Variants in MALSU1 observed in about 807,000 individuals in gnomAD.
MALSU1 encodes mitochondrial assembly of ribosomal large subunit 1.
Under a neutral mutation model 22.1 loss-of-function variants are expected in MALSU1, and 22 were observed. The observed-to-expected ratio is 1.00, with a 90% CI of 0.71 to 1.42. The LOEUF is 1.42. Ranked by LOEUF, MALSU1 falls within the 40% of genes most tolerant of loss-of-function variation. The probability of loss-of-function intolerance (pLI) is 0.00; values close to 1 mark genes in which losing one functional copy is unlikely to be tolerated. For missense variants in MALSU1, 379 were observed against 308.3 expected, an observed-to-expected ratio of 1.23 and a Z score of -1.72; for synonymous variants, 153 against 118.5, an observed-to-expected ratio of 1.29 and a Z score of -1.89.
At chr7:23,305,952 T>C (rs998084619) in intron 2 of MALSU1, among the ~76,000 whole-genome samples, 1 of 152,086 alleles carries the variant, frequency 6.6e-6, no homozygotes, top group Non-Finnish European at 1.5e-5. Flanking sequence ...CCTAGCACTT[T>C]GGGAGGCCGA....
chr7:23,307,836 C>G, intron 2 of MALSU1, 32 bp from the exon 3 acceptor site: 3 of 1,474,964 alleles, frequency 2.0e-6, no homozygotes, highest in Non-Finnish European at 2.8e-6. Context: ...CCCATCCCCT[C>G]TCCCTTTAAT....
At chr7:23,302,671 G>T (rs935993343) in intron 2 of MALSU1, among the ~76,000 whole-genome samples, 4 of 152,164 alleles carry the variant, frequency 2.6e-5, no homozygotes, top group Admixed American at 6.5e-5. Context: ...TTCTGTGAAA[G>T]AATAAAGAAA....
chr7:23,301,574 A>G (rs1453093730), intron 2 of MALSU1, among the ~76,000 whole-genome samples: 1 of 152,234 alleles, frequency 6.6e-6, no homozygotes, highest in Non-Finnish European at 1.5e-5. Context: ...ATAATATTTT[A>G]TAACCTGAGG....
intron 2 of MALSU1, among the ~76,000 whole-genome samples, chr7:23,303,505 C>G (rs1453178548): frequency 1.3e-5 from 2 of 152,092 alleles, no homozygotes; most frequent in Non-Finnish European, 2.9e-5. Flanking sequence ...TATAGAAATA[C>G]TGTTCATGAG....
intron 2 of MALSU1, among the ~76,000 whole-genome samples, chr7:23,306,544 C>T (rs2128489413): frequency 6.6e-6 from 1 of 152,180 alleles, no homozygotes; most frequent in Non-Finnish European, 1.5e-5. Flanking sequence ...CTTTCAGTCT[C>T]ACCATTGAAT....
rs1783610764 is a variant in MALSU1 at position 23,299,504 on chromosome 7, C to A, written c.152C>A (p.Ala51Asp). 1.2e-6 allele frequency: 2 copies of A among 1,612,212 alleles called. No individual in the cohort carries two copies. The highest frequency in any genetic ancestry group is 1.3e-5 in the African/African-American group (1 of 74,940). ...RLPVGAAFCR[A>D]CQTPNFVRGL... is the part of the protein sequence containing the mutation. ...CCCGTAGGAGCAGCGTTCTGCCGGG[C>A]TTGCCAGACCCCAAACTTTGTCCGC... Residue 51 changes from alanine to aspartate, a missense_variant, in exon 1 of 4, where the codon GCT becomes GAT. By Grantham distance (126) the Ala-to-Asp change is moderately radical. Transcript: ENST00000466681.
At position 23,307,975 on chromosome 7, in the gene MALSU1, G is replaced by C. The variant is rs377314789; in HGVS notation, c.517+26G>C. The C allele has an allele frequency of 1.0e-5, 15 of 1,466,810 alleles. No homozygotes were observed. The African/African-American group carries it at 1.7e-4, about 16-fold the overall frequency. 90.9% of individuals were successfully genotyped at this position (1,466,810 alleles called of 1,614,324 possible). A position where few individuals can be genotyped will look rare whatever the true frequency, so the allele number is the denominator to read the frequency against. ...GTAAGTTATTCTGGCGTATTTTACA[G>C]GTAACTGTTGGTACTACGCTAATCT... is the stretch of plus-strand genomic sequence containing the variant. On this transcript the variant is annotated intron_variant, in intron 3 of 3. Coordinates refer to ENST00000466681, the MANE Select transcript of MALSU1 (RefSeq NM_138446.2).
In MALSU1 at chr7:23,311,431, A is replaced by G. The variant is rs1256751050; in HGVS notation, c.*1888A>G. 1 of 152,664 alleles carries G rather than the reference A, an allele frequency of 6.6e-6. No homozygotes were observed. Among genetic ancestry groups the G allele is most frequent in the East Asian group, 1.9e-4 (1 of 5,204 alleles). 9.5% of individuals were successfully genotyped at this position (152,664 alleles called of 1,614,324 possible). ...CTAAACAAAAAACTGAAGTCTCCTG[A>G]AGCCATTTAAACCAGCCGTTCCAAA... On this transcript the variant is annotated 3_prime_UTR_variant, in exon 4 of 4. Coordinates refer to ENST00000466681, the MANE Select transcript of MALSU1 (RefSeq NM_138446.2).
intron 2 of MALSU1, among the ~76,000 whole-genome samples, chr7:23,303,564 A>G (rs571876879): frequency 2.0e-5 from 3 of 152,300 alleles, no homozygotes; most frequent in South Asian, 2.1e-4. Context: ...TGAGAGGCCA[A>G]GGTGGGCGGA....
chr7:23,300,226 G>C (rs73279727), intron 1 of MALSU1, among the ~76,000 whole-genome samples: 2,832 of 152,132 alleles, frequency 0.019, 84 homozygotes, highest in African/African-American at 0.065. Context: ...AAAAAAATTA[G>C]ATTTTCATAG....
In MALSU1 at chr7:23,299,443, G is replaced by A. The variant is rs1327138043; in HGVS notation, c.91G>A (p.Glu31Lys). Residue 31 changes from glutamate to lysine, a missense_variant, in exon 1 of 4, where the codon GAG (glutamate) becomes AAG (lysine). Glu to Lys is a moderately conservative substitution (Grantham distance 56). Coordinates refer to ENST00000466681, the MANE Select transcript of MALSU1 (RefSeq NM_138446.2). ...SSVAGSAVGA[E>K]PGLRLLAVQR... ...GGTGGCGGGGTCCGCGGTTGGAGCC[G>A]AGCCCGGGCTTCGGCTGCTGGCCGT... 1 of 1,605,794 alleles carries A rather than the reference G, an allele frequency of 6.2e-7. No individual in the cohort carries two copies. Among genetic ancestry groups the A allele is most frequent in the African/African-American group, 1.3e-5 (1 of 74,876 alleles).
intron 1 of MALSU1, among the ~76,000 whole-genome samples, chr7:23,300,214 G>GA (rs1034243618): frequency 3.3e-5 from 5 of 151,730 alleles, no homozygotes; most frequent in Admixed American, 6.6e-5. Flanking sequence ...ATCTTTACGG[G>GA]AAAAAAAATT....
At chr7:23,305,081 T>G (rs1783706848) in intron 2 of MALSU1, among the ~76,000 whole-genome samples, 2 of 152,244 alleles carry the variant, frequency 1.3e-5, no homozygotes, top group South Asian at 4.1e-4. Context: ...TAACCCATTT[T>G]GAGTTAGTTT....
chr7:23,306,023 C>T (rs1049223989), intron 2 of MALSU1, among the ~76,000 whole-genome samples: 3 of 152,042 alleles, frequency 2.0e-5, no homozygotes, highest in Non-Finnish European at 2.9e-5. Context: ...GGAGAAACCC[C>T]GTCTCTACTG....
chr7:23,308,990 C>T (rs536673933), intron 3 of MALSU1, among the ~76,000 whole-genome samples: 11 of 152,166 alleles, frequency 7.2e-5, no homozygotes, highest in South Asian at 4.1e-4. Flanking sequence ...AGAATATTCA[C>T]GATACAAACA....
intron 2 of MALSU1, among the ~76,000 whole-genome samples, chr7:23,304,060 T>A (rs905668351): frequency 6.6e-6 from 1 of 151,836 alleles, no homozygotes; most frequent in Non-Finnish European, 1.5e-5. Flanking sequence ...GAGCCGAGAT[T>A]GTGCCACTGC....
chr7:23,304,848 T>C (rs1164037427), intron 2 of MALSU1, among the ~76,000 whole-genome samples: 2 of 152,294 alleles, frequency 1.3e-5, no homozygotes, highest in East Asian at 3.9e-4. Context: ...TTATCAAATA[T>C]GTGATTTGCA....
intron 2 of MALSU1, among the ~76,000 whole-genome samples, chr7:23,305,801 C>T (rs1783715241): frequency 6.6e-6 from 1 of 152,198 alleles, no homozygotes; most frequent in African/African-American, 2.4e-5. Context: ...GTCTTCCCAT[C>T]CATGAATATG....
chr7:23,304,982 A>G (rs1339355729), intron 2 of MALSU1, among the ~76,000 whole-genome samples: 2 of 152,112 alleles, frequency 1.3e-5, no homozygotes, highest in East Asian at 3.8e-4. Context: ...CTTTGGTATT[A>G]TATCTAATAA....
Sources: gnomAD v4.1 joint callset for allele counts (sites outside exome capture counted in the v4.1 genomes callset) on GRCh38, gnomAD v4.1.1 for gene constraint, MANE v1.5 for transcripts, NCBI Gene and HGNC (gene_info 2026-07-23, HGNC 2026-07-21) for gene names.